The following ERAP2 variants were observed in gnomAD, a reference collection of about 807,000 sequenced individuals.
The protein encoded by ERAP2 is leukocyte-derived arginine aminopeptidase.
A neutral mutation model predicts 111.1 loss-of-function variants in ERAP2; 118 were observed. That is an observed-to-expected ratio of 1.06 (90% CI 0.92 to 1.24). ERAP2 has a LOEUF of 1.24. Among genes scored for constraint, ERAP2 ranks in the 50% most tolerant of loss-of-function variants. ERAP2 has a pLI of 0.00. For synonymous variants in ERAP2, 410 were observed against 401.2 expected (o/e 1.02, Z -0.26); for missense variants, 1,131 against 1,125.8 (o/e 1.00, Z -0.07).
chr5:96,905,944 A>ATTTT (rs34095051), intron 13 of ERAP2, among the ~76,000 whole-genome samples: 4 of 139,598 alleles, frequency 2.9e-5, no homozygotes, highest in Admixed American at 7.3e-5. Flanking sequence ...TTTCTTTTTA[A>ATTTT]TTTTTTTTTT....
intron 2 of ERAP2, 139 bp downstream of exon 2, chr5:96,880,399 T>G: frequency 1.3e-6 from 1 of 783,022 alleles, no homozygotes; most frequent in Non-Finnish European, 2.0e-6. Flanking sequence ...GGAAAAGATC[T>G]ACCATTCCTT....
intron 18 of ERAP2, among the ~76,000 whole-genome samples, chr5:96,916,804 C>T (rs1364828377): frequency 2.7e-5 from 4 of 149,370 alleles, no homozygotes; most frequent in African/African-American, 7.4e-5. Flanking sequence ...TTTGCACCTT[C>T]TTTTCACAAT....
Position 96,912,672 on chromosome 5 carries a change from TG to T in ERAP2, c.2393del (p.Gly798ValfsTer12). On this transcript the variant is annotated frameshift_variant, in exon 16 of 19. Transcript: ENST00000437043. LOFTEE classifies it high-confidence loss of function. The part of the protein sequence containing the change: ...PTDVLKIVYS[V>X]GAQTTAGWNY... ...GATGTTTTAAAGATTGTGTATTCTG[TG>T]GGTGCTCAGACAACAGCAGGATGGA... The T allele has an allele frequency of 1.9e-6, 3 of 1,611,180 alleles. No homozygotes were observed. The highest frequency in any genetic ancestry group is 2.5e-6 in the Non-Finnish European group (3 of 1,179,064).
At chr5:96,889,620 A>G in intron 5 of ERAP2, 1 of 646,362 alleles carries the variant, frequency 1.5e-6, no homozygotes, top group Non-Finnish European at 2.8e-6. Context: ...AGGGTCCAGG[A>G]AAGAGATGGG....
intron 14 of ERAP2, 62 bp downstream of exon 14, chr5:96,909,179 C>A (rs1786434520): frequency 1.9e-6 from 3 of 1,543,288 alleles, no homozygotes; most frequent in Non-Finnish European, 1.8e-6. Flanking sequence ...ATCAGTCAGG[C>A]TCAGTTTGTT....
intron 16 of ERAP2, among the ~76,000 whole-genome samples, chr5:96,913,102 A>G (rs1786986084): frequency 1.3e-5 from 2 of 152,238 alleles, no homozygotes; most frequent in Non-Finnish European, 2.9e-5. Flanking sequence ...GATGCTAATC[A>G]AACTTATTTG....
rs541439665 is a variant in ERAP2 at position 96,903,358 on chromosome 5, G to A, written c.1829-19G>A. The stretch of plus-strand genomic sequence containing the variant: ...AGTTTGTTGATAATAAAATGCCTAT[G>A]CCAATCTTATCCTCTTAGATACTCT... On this transcript the variant is annotated intron_variant, in intron 12 of 18. Transcript: ENST00000437043. 1 of 1,585,358 alleles carries A rather than the reference G, an allele frequency of 6.3e-7. No individual in the cohort carries two copies. Among genetic ancestry groups the A allele is most frequent in the East Asian group, 2.2e-5 (1 of 44,544 alleles).
At chr5:96,892,122 G>T (rs540692322) in intron 5 of ERAP2, among the ~76,000 whole-genome samples, 177 bp from the exon 6 acceptor site, 1 of 152,052 alleles carries the variant, frequency 6.6e-6, no homozygotes, top group South Asian at 2.1e-4. Flanking sequence ...TTGATAATGG[G>T]CACTGATTAT....
At chr5:96,915,570 T>C in intron 17 of ERAP2, 118 bp from the exon 18 acceptor site, 1 of 473,590 alleles carries the variant, frequency 2.1e-6, no homozygotes, top group Non-Finnish European at 3.6e-6. Flanking sequence ...ACCGTATCTA[T>C]TGTAATACAC....
In ERAP2 at chr5:96,883,977, C is replaced by T. The variant is rs375358614; in HGVS notation, c.714+47C>T. 840 of 1,525,482 alleles carry T rather than the reference C, an allele frequency of 5.5e-4. 8 individuals are homozygous for T. In the South Asian group the frequency reaches 9.9e-3, roughly 18 times the overall value. The allele number at this position is 1,525,482 out of a possible 1,614,324, so 94.5% of individuals were successfully genotyped here. A position where few individuals can be genotyped will look rare whatever the true frequency, so the allele number is the denominator to read the frequency against. On this transcript the variant is annotated intron_variant, in intron 3 of 18. Coordinates refer to ENST00000437043, the MANE Select transcript of ERAP2 (RefSeq NM_022350.5). ...TTTAGAAATTGTTCTCAAGTTGAGA[C>T]TCAGTCTTCGTTTGTTTTTTAAAAT...
chr5:96,900,365 A>G, intron 10 of ERAP2, 176 bp downstream of exon 10: 1 of 954,594 alleles, frequency 1.0e-6, no homozygotes, highest in Non-Finnish European at 1.4e-6. Flanking sequence ...TTAGGGGGAC[A>G]ATGCTGTTGC....
rs150634138 is a variant in ERAP2, at chr5:96,912,627, G to C, written c.2355-10G>C. 6.9e-3 allele frequency: 10,867 copies of C among 1,581,970 alleles called. 61 individuals are homozygous for C. Among genetic ancestry groups the C allele is most frequent in the Non-Finnish European group, 8.4e-3 (9,867 of 1,170,910 alleles). On this transcript the variant is annotated splice_polypyrimidine_tract_variant and intron_variant, in intron 15 of 18. Coordinates refer to ENST00000437043, the MANE Select transcript of ERAP2 (RefSeq NM_022350.5). ...AAACTTTTTCTTCATTTTTATGCTT[G>C]ATATTACAGTATACCAACAGATGTT... is the stretch of plus-strand genomic sequence containing the variant.
chr5:96,896,463 A>G lies in ERAP2; in HGVS notation c.1330A>G (p.Thr444Ala), dbSNP rs1382971159. 6.2e-7 allele frequency: 1 copy of G among 1,613,466 alleles called. No individual in the cohort carries two copies. ...TATCTCCAAACCAGCGGAAACCCCGACTCAAATACAGGAAATGTTTGATGA... is the reference window on the plus strand; with the variant it reads ...TATCTCCAAACCAGCGGAAACCCCGGCTCAAATACAGGAAATGTTTGATGA... ...RPISKPAETPTQIQEMFDEVS... is the reference protein window; with the variant it reads ...RPISKPAETPAQIQEMFDEVS... The change falls in exon 8 of 19, where the codon ACT (threonine) becomes GCT (alanine). Residue 444 changes from threonine (T) to alanine (A), a missense_variant. By Grantham distance (58) the Thr-to-Ala change is moderately conservative. Transcript: ENST00000437043.
chr5:96,907,846 G>T (rs1408863579), intron 13 of ERAP2, among the ~76,000 whole-genome samples: 1 of 151,150 alleles, frequency 6.6e-6, no homozygotes, highest in African/African-American at 2.4e-5. Context: ...TTATGCCATT[G>T]TACTCCAGCC....
Position 96,896,727 on chromosome 5 carries a change from T to C in ERAP2, c.1372-5T>C. 6.4e-7 allele frequency: 1 copy of C among 1,564,564 alleles called. No homozygotes were observed. Among genetic ancestry groups the C allele is most frequent in the Non-Finnish European group, 8.6e-7 (1 of 1,164,120 alleles). On this transcript the variant is annotated splice_region_variant and splice_polypyrimidine_tract_variant and intron_variant, in intron 8 of 18. Transcript: ENST00000437043. ...TTTTTTCAACTCTTTTGTTTTTTTT[T>C]AAAGGGAGCTTGTATTTTGAATATG...
Position 96,909,060 on chromosome 5 carries a change from A to G in ERAP2, c.2112A>G (p.Glu704=). 6.2e-7 allele frequency: 1 copy of G among 1,614,202 alleles called. No individual in the cohort carries two copies. The highest frequency in any genetic ancestry group is 8.5e-7 in the Non-Finnish European group (1 of 1,180,010). ...TTCTCGAAGGTCTGAGTTACTTGGA[A>G]TCGTTTTACCACATGATGGACAGAA... ...PALLEGLSYL[E]SFYHMMDRRN... is the part of the protein sequence containing the mutation. Residue 704 remains glutamate (E), a synonymous_variant, in exon 14 of 19, where the codon GAA becomes GAG. Coordinates refer to ENST00000437043, the MANE Select transcript of ERAP2 (RefSeq NM_022350.5).
At chr5:96,893,757 C>T (rs1205803475) in intron 6 of ERAP2, among the ~76,000 whole-genome samples, 2 of 152,158 alleles carry the variant, frequency 1.3e-5, no homozygotes, top group African/African-American at 2.4e-5. Context: ...CTGTGCATAA[C>T]CCTGGCAAAG....
intron 6 of ERAP2, among the ~76,000 whole-genome samples, chr5:96,894,973 A>G (rs998936991): frequency 3.9e-5 from 6 of 152,086 alleles, no homozygotes; most frequent in African/African-American, 1.4e-4. Context: ...TCTAATAACT[A>G]GGAAATGTTG....
In ERAP2 at chr5:96,886,783, G is replaced by C. The variant is rs774862025; in HGVS notation, c.843G>C (p.Gly281=). Residue 281 remains glycine, a synonymous_variant, in exon 4 of 19, where the codon GGG becomes GGC. Coordinates refer to ENST00000437043, the MANE Select transcript of ERAP2 (RefSeq NM_022350.5). The part of the protein sequence containing the change: ...FHSLSGFTSS[G]VKVSIYASPD... ...CTCTGAGTGGCTTCACTTCATCAGG[G>C]GTCAAGGTGAGACTGAGTTCTAACG... 11 of 1,494,062 alleles carry C rather than the reference G, an allele frequency of 7.4e-6. No homozygotes were observed. Among genetic ancestry groups the C allele is most frequent in the Non-Finnish European group, 1.0e-5 (11 of 1,101,234 alleles). The allele number at this position is 1,494,062 out of a possible 1,614,324, so 92.6% of individuals were successfully genotyped here.
Sources: gnomAD v4.1 joint callset for allele counts (sites outside exome capture counted in the v4.1 genomes callset) on GRCh38, gnomAD v4.1.1 for gene constraint, MANE v1.5 for transcripts, NCBI Gene and HGNC (gene_info 2026-07-23, HGNC 2026-07-21) for gene names.